Variants in WDR48 observed in about 807,000 individuals in gnomAD.
WDR48 encodes the protein WD repeat-containing protein 48.
Under a neutral mutation model 94.0 loss-of-function variants are expected in WDR48, and 22 were observed. The observed-to-expected ratio is 0.23, with a 90% CI of 0.17 to 0.33. The LOEUF (loss-of-function observed/expected upper bound fraction) is 0.33. WDR48 is among the 10% of genes least tolerant of loss of function. The probability of loss-of-function intolerance (pLI) is 1.00; values close to 1 mark genes in which losing one functional copy is unlikely to be tolerated. For missense variants in WDR48, 541 were observed against 813.8 expected, an observed-to-expected ratio of 0.66 and a Z score of 4.08; for synonymous variants, 278 against 280.5, an observed-to-expected ratio of 0.99 and a Z score of 0.09.
At chr3:39,061,331 C>G (rs547725224) in intron 1 of WDR48, among the ~76,000 whole-genome samples, 1 of 145,002 alleles carries the variant, frequency 6.9e-6, no homozygotes, top group Admixed American at 6.9e-5. Context: ...CTCCCACTTA[C>G]GAGTGAGAAC....
chr3:39,056,771 T>A (rs1484973817), intron 1 of WDR48, among the ~76,000 whole-genome samples: 1 of 152,232 alleles, frequency 6.6e-6, no homozygotes. Context: ...CTTATATTAC[T>A]TTCTTAAGGT....
In WDR48 at chr3:39,077,158, C is replaced by T. The variant is rs144954527; in HGVS notation, c.917C>T (p.Ala306Val). ...TTTCAGATGGAGCTTGATAGATCAG[C>T]TGATCCTCCTCCTGCAATTTGGGTT... ...PVLKMELDRS[A>V]DPPPAIWVAT... Residue 306 changes from alanine (A) to valine (V), a missense_variant, in exon 9 of 19, where the codon GCT (alanine) becomes GTT (valine). Physicochemically the swap from Ala to Val is moderately conservative, Grantham distance 64. Transcript: ENST00000302313. 6.0e-5 allele frequency: 97 copies of T among 1,614,164 alleles called. No homozygotes were observed. In the African/African-American group the frequency reaches 1.2e-3, roughly 19 times the overall value.
rs1030286633 is a variant in WDR48, at chr3:39,063,030, T to C, written c.49-20T>C. ...CATGGCTTGTACTTTATAAAAAGCATATGTTGACACATTTGTCAGGTTTCC... is the reference window on the plus strand; with the variant it reads ...CATGGCTTGTACTTTATAAAAAGCACATGTTGACACATTTGTCAGGTTTCC... On this transcript the variant is annotated intron_variant, in intron 1 of 18. Coordinates refer to ENST00000302313, the MANE Select transcript of WDR48 (RefSeq NM_020839.4). The C allele has an allele frequency of 3.1e-6, 5 of 1,613,728 alleles. No homozygotes were observed. The highest frequency in any genetic ancestry group is 4.2e-6 in the Non-Finnish European group (5 of 1,179,780).
intron 2 of WDR48, among the ~76,000 whole-genome samples, chr3:39,064,477 G>T (rs142323063): frequency 6.6e-6 from 1 of 152,066 alleles, no homozygotes; most frequent in Non-Finnish European, 1.5e-5. Context: ...GTTTCACCAT[G>T]TGGGTCAGGC....
At position 39,091,696 on chromosome 3, in the gene WDR48, A is replaced by T. The variant is rs371373982; in HGVS notation, c.1740A>T (p.Leu580Phe). The T allele has an allele frequency of 6.2e-7, 1 of 1,602,792 alleles. No homozygotes were observed. Among genetic ancestry groups the T allele is most frequent in the Non-Finnish European group, 8.5e-7 (1 of 1,176,192 alleles). The change falls in exon 17 of 19, where the codon TTA (leucine) becomes TTT (phenylalanine). Residue 580 changes from leucine to phenylalanine, a missense_variant. This residue lies in a region of WDR48 where 109 missense variants were observed against 195.5 expected (regional missense o/e 0.56). Coordinates refer to ENST00000302313, the MANE Select transcript of WDR48 (RefSeq NM_020839.4). The stretch of plus-strand genomic sequence containing the variant: ...ATGCATCTTCAGGAGCAAAAACCTT[A>T]AAAAAGTAAGTAAATATATGGTTTC... ...QPHASSGAKTLKKDRLSASDM... is the reference protein window; with the variant it reads ...QPHASSGAKTFKKDRLSASDM...
Position 39,085,578 on chromosome 3 carries a change from C to T in WDR48, c.1442C>T (p.Pro481Leu). The T allele has an allele frequency of 6.2e-7, 1 of 1,611,510 alleles. No individual in the cohort carries two copies. The change falls in exon 14 of 19, where the codon CCA (proline) becomes CTA (leucine). Residue 481 changes from proline (P) to leucine (L), a missense_variant. This residue lies in a region of WDR48 where 238 missense variants were observed against 285.3 expected (regional missense o/e 0.83). Transcript: ENST00000302313. ...LEYWPRTHVN[P>L]MDEEENEVNH... ...TATTGGCCTAGAACACATGTGAATC[C>T]AATGGATGAAGAGGAAAATGAAGTA...
At chr3:39,094,564 C>T (rs1367333060) in intron 18 of WDR48, 84 bp from the exon 19 acceptor site, 1 of 1,573,792 alleles carries the variant, frequency 6.4e-7, no homozygotes, top group South Asian at 1.1e-5. Context: ...CAAGCTGGAT[C>T]ACCTGATGAG....
Position 39,093,966 on chromosome 3 carries a change from C to T in WDR48, c.1838C>T (p.Thr613Ile), listed in dbSNP as rs2035214531. Residue 613 changes from threonine (T) to isoleucine (I), a missense_variant, in exon 18 of 19, where the codon ACC becomes ATC. By Grantham distance (89) the Thr-to-Ile change is moderately conservative. Transcript: ENST00000302313. The stretch of plus-strand genomic sequence containing the variant: ...ATCAACTTGGATAATGAGTCTCAAA[C>T]CACTAGCTCTTCTAATAATGAAAAA... ...KIINLDNESQTTSSSNNEKPG... is the reference protein window; with the variant it reads ...KIINLDNESQITSSSNNEKPG... 1.9e-6 allele frequency: 3 copies of T among 1,613,960 alleles called. No individual in the cohort carries two copies. Among genetic ancestry groups the T allele is most frequent in the African/African-American group, 1.3e-5 (1 of 75,008 alleles).
At chr3:39,089,824 C>T (rs1559627120) in intron 16 of WDR48, 1 of 152,136 alleles carries the variant, frequency 6.6e-6, no homozygotes, top group Admixed American at 6.6e-5. Context: ...CATGTCTGTA[C>T]ATGTGAATCA....
intron 15 of WDR48, among the ~76,000 whole-genome samples, chr3:39,088,943 CT>C (rs2125682236): frequency 6.6e-6 from 1 of 152,258 alleles, no homozygotes; most frequent in Admixed American, 6.5e-5. Context: ...AGCTGGGGAC[CT>C]TTACTGGGTG....
At chr3:39,067,289 G>A (rs2033667076) in intron 5 of WDR48, among the ~76,000 whole-genome samples, 1 of 152,302 alleles carries the variant, frequency 6.6e-6, no homozygotes, top group African/African-American at 2.4e-5. Flanking sequence ...AAAGTGTTAA[G>A]AGCTTTTGAG....
Position 39,076,685 on chromosome 3 carries a change from C to T in WDR48, c.898-454C>T, listed in dbSNP as rs2034241997. Among the ~76,000 whole-genome samples, 2 of 152,288 alleles carry T rather than the reference C, an allele frequency of 1.3e-5. 1 individual carries two copies. Among genetic ancestry groups the T allele is most frequent in the Non-Finnish European group, 2.9e-5 (2 of 68,026 alleles). The stretch of plus-strand genomic sequence containing the variant: ...TACATACAGAAGAATATACAGTAAG[C>T]TATTCCCAGGTGTCCCGTCCTTAGG... On this transcript the variant is annotated intron_variant, in intron 8 of 18. Coordinates refer to ENST00000302313, the MANE Select transcript of WDR48 (RefSeq NM_020839.4).
At chr3:39,084,973 A>G (rs1014270911) in intron 13 of WDR48, among the ~76,000 whole-genome samples, 4 of 152,226 alleles carry the variant, frequency 2.6e-5, no homozygotes, top group African/African-American at 9.6e-5. Context: ...CACACCTGTA[A>G]TCTCAGCACT....
chr3:39,056,639 G>T (rs2032907686), intron 1 of WDR48, among the ~76,000 whole-genome samples: 1 of 152,214 alleles, frequency 6.6e-6, no homozygotes, highest in Non-Finnish European at 1.5e-5. Flanking sequence ...GGCAACATTG[G>T]ATGCTAGAGG....
chr3:39,093,846 G>A, intron 17 of WDR48, 28 bp from the exon 18 acceptor site: 1 of 1,485,132 alleles, frequency 6.7e-7, no homozygotes, highest in Non-Finnish European at 8.9e-7. Context: ...TTTCCCTGAT[G>A]TCACAATATG....
chr3:39,077,331 G>C (rs2034283975), intron 9 of WDR48, 118 bp downstream of exon 9: 2 of 993,932 alleles, frequency 2.0e-6, no homozygotes, highest in South Asian at 3.2e-5. Flanking sequence ...TTTGGGCAGG[G>C]GCAAAAACCT....
chr3:39,064,875 A>C (rs374385262), intron 2 of WDR48, among the ~76,000 whole-genome samples: 8 of 152,300 alleles, frequency 5.3e-5, no homozygotes, highest in African/African-American at 1.9e-4. Flanking sequence ...TTGGCTTTGA[A>C]ATGCTTTTTG....
chr3:39,052,019 A>T lies in WDR48; in HGVS notation c.-7A>T. ...CCGGAAGTGACGTCGGAGTGTCAAC[A>T]TGCAAGATGGCGGCCCATCACCGGC... On this transcript the variant is annotated 5_prime_UTR_variant, in exon 1 of 19. An upstream start codon of the reference 5' UTR is lost. Coordinates refer to ENST00000302313, the MANE Select transcript of WDR48 (RefSeq NM_020839.4). The T allele has an allele frequency of 6.2e-7, 1 of 1,613,822 alleles. No homozygotes were observed. Among genetic ancestry groups the T allele is most frequent in the Non-Finnish European group, 8.5e-7 (1 of 1,179,902 alleles).
rs2035340610 is a variant in WDR48 at position 39,096,454 on chromosome 3, A to T, written c.*1711A>T. Reference sequence around the variant, plus strand: ...GCCCGAGGGGCCTTTGAGCAAAGAAATGGGTTTTGCTGGGTCATTTTGCCC... The same window carrying T: ...GCCCGAGGGGCCTTTGAGCAAAGAATTGGGTTTTGCTGGGTCATTTTGCCC... On this transcript the variant is annotated 3_prime_UTR_variant, in exon 19 of 19. Coordinates refer to ENST00000302313, the MANE Select transcript of WDR48 (RefSeq NM_020839.4). The T allele has an allele frequency of 6.6e-6, 1 of 152,052 alleles. No individual in the cohort carries two copies. Among genetic ancestry groups the T allele is most frequent in the Admixed American group, 6.5e-5 (1 of 15,270 alleles). 9.4% of individuals were successfully genotyped at this position (152,052 alleles called of 1,614,324 possible). A position where few individuals can be genotyped will look rare whatever the true frequency, so the allele number is the denominator to read the frequency against.
Sources: gnomAD v4.1 joint callset for allele counts (sites outside exome capture counted in the v4.1 genomes callset) on GRCh38, gnomAD v4.1.1 for gene constraint, gnomAD v4.1.1 regional missense constraint, MANE v1.5 for transcripts, NCBI Gene and HGNC (gene_info 2026-07-23, HGNC 2026-07-21) for gene names.